Variants in HIPK2 observed in about 807,000 individuals in gnomAD.
HIPK2 encodes homeodomain-interacting protein kinase 2.
Under a neutral mutation model 113.7 loss-of-function variants are expected in HIPK2, and 27 were observed. The ratio of observed to expected loss-of-function variants is 0.24; its 90% CI spans 0.17 to 0.33. The LOEUF (loss-of-function observed/expected upper bound fraction) is 0.33, where lower values mean the gene tolerates loss of function less well. Ranked by LOEUF, HIPK2 falls within the 10% of genes least tolerant of loss-of-function variation. The pLI is 1.00. For missense variants in HIPK2, 1,257 were observed against 1,588.0 expected (o/e 0.79, Z 3.54); for synonymous variants, 631 against 642.2 (o/e 0.98, Z 0.26).
chr7:139,626,822 C>T, intron 5 of HIPK2, 37 bp from the exon 6 acceptor site: 1 of 1,609,800 alleles, frequency 6.2e-7, no homozygotes, highest in Non-Finnish European at 8.5e-7. Context: ...AAGGAAGACC[C>T]CAGCGTGCCT....
At chr7:139,758,915 C>T (rs1796404594) in intron 1 of HIPK2, among the ~76,000 whole-genome samples, 1 of 152,088 alleles carries the variant, frequency 6.6e-6, no homozygotes, top group South Asian at 2.1e-4. Flanking sequence ...GGCAAAGCCT[C>T]TCCAACTTTG....
chr7:139,697,823 CCCT>C (rs1462723320), intron 2 of HIPK2, among the ~76,000 whole-genome samples: 1 of 151,850 alleles, frequency 6.6e-6, no homozygotes, highest in African/African-American at 2.4e-5. Context: ...TCCTATTATC[CCCT>C]CCTCCCAGCC....
At chr7:139,643,931 A>G (rs950710320) in intron 2 of HIPK2, among the ~76,000 whole-genome samples, 16 of 152,146 alleles carry the variant, frequency 1.1e-4, no homozygotes, top group Admixed American at 6.5e-5. Context: ...CTCTGGTGCT[A>G]TACCATGAAG....
chr7:139,623,080 C>T (rs373509249), intron 6 of HIPK2, among the ~76,000 whole-genome samples: 1 of 152,310 alleles, frequency 6.6e-6, no homozygotes. Context: ...AGCTGTTTCT[C>T]AGTCATCCCA....
At chr7:139,732,393 C>G (rs2117036333) in intron 1 of HIPK2, among the ~76,000 whole-genome samples, 1 of 152,312 alleles carries the variant, frequency 6.6e-6, no homozygotes, top group Non-Finnish European at 1.5e-5. Context: ...GCCACTTACA[C>G]CCAGTGCTGG....
chr7:139,722,558 G>C (rs927641652), intron 1 of HIPK2, among the ~76,000 whole-genome samples: 1 of 152,120 alleles, frequency 6.6e-6, no homozygotes, highest in Non-Finnish European at 1.5e-5. Context: ...TGCTAGACTT[G>C]ACTTCATCTG....
At chr7:139,711,135 CA>C (rs1021797331) in intron 2 of HIPK2, among the ~76,000 whole-genome samples, 2,541 of 145,212 alleles carry the variant, frequency 0.017, 57 homozygotes, top group African/African-American at 0.058. Context: ...AAGAATCAGA[CA>C]AAAAAAAAAG....
intron 2 of HIPK2, among the ~76,000 whole-genome samples, chr7:139,686,416 G>A (rs1034376767): frequency 2.0e-5 from 3 of 152,188 alleles, no homozygotes; most frequent in African/African-American, 7.2e-5. Context: ...TGGTTTGGCT[G>A]TGTCCCCACC....
intron 12 of HIPK2, among the ~76,000 whole-genome samples, chr7:139,588,324 G>A (rs375611523): frequency 4.7e-5 from 7 of 150,162 alleles, no homozygotes; most frequent in South Asian, 4.2e-4. Flanking sequence ...CCCCCACACC[G>A]CGCTGGCCCC....
At chr7:139,717,147 G>T in intron 1 of HIPK2, 132 bp from the exon 2 acceptor site, 1 of 1,201,808 alleles carries the variant, frequency 8.3e-7, no homozygotes, top group East Asian at 2.6e-5. Flanking sequence ...AAACAAGGTT[G>T]AAAAAGTGAA....
At chr7:139,609,844 A>G (rs529435421) in intron 9 of HIPK2, among the ~76,000 whole-genome samples, 1 of 152,196 alleles carries the variant, frequency 6.6e-6, no homozygotes, top group South Asian at 2.1e-4. Context: ...TATCTTAGAA[A>G]TCTCTGCATG....
intron 9 of HIPK2, among the ~76,000 whole-genome samples, chr7:139,612,437 T>A (rs1255204682): frequency 6.6e-6 from 1 of 152,194 alleles, no homozygotes; most frequent in Non-Finnish European, 1.5e-5. Context: ...ACTGGGTGTG[T>A]GTCCTGGTTC....
intron 1 of HIPK2, among the ~76,000 whole-genome samples, chr7:139,750,794 AG>A: frequency 6.6e-6 from 1 of 152,204 alleles, no homozygotes; most frequent in East Asian, 1.9e-4. Context: ...AGTGCTTCCT[AG>A]ATAAAAGTCC....
chr7:139,651,237 G>T (rs150067939), intron 2 of HIPK2, among the ~76,000 whole-genome samples: 1 of 152,290 alleles, frequency 6.6e-6, no homozygotes, highest in African/African-American at 2.4e-5. Context: ...GGAAAACACA[G>T]CCTGAGGAGG....
intron 2 of HIPK2, among the ~76,000 whole-genome samples, chr7:139,663,556 G>A (rs986569855): frequency 1.3e-5 from 2 of 152,194 alleles, no homozygotes; most frequent in African/African-American, 2.4e-5. Flanking sequence ...CAAACCATAT[G>A]TAACCATAAA....
intron 2 of HIPK2, among the ~76,000 whole-genome samples, chr7:139,682,493 C>T (rs748603729): frequency 1.3e-5 from 2 of 152,196 alleles, no homozygotes; most frequent in Non-Finnish European, 2.9e-5. Context: ...CCACCTCTTA[C>T]GGGAAGCTTT....
At position 139,653,414 on chromosome 7, in the gene HIPK2, G is replaced by A. The variant is rs544426881; in HGVS notation, c.1104-21689C>T. Among the ~76,000 whole-genome samples the A allele has an allele frequency of 2.9e-4, 44 of 151,412 alleles. 1 individual carries two copies. The highest frequency in any genetic ancestry group is 1.0e-3 in the African/African-American group (43 of 41,214). On this transcript the variant is annotated intron_variant, in intron 2 of 14. Transcript: ENST00000406875. ...AGGACTATCAACTGTTACAGAATGGGTGGTGGGATTTAGAGATCTTATGGG... is the reference window on the plus strand; with the variant it reads ...AGGACTATCAACTGTTACAGAATGGATGGTGGGATTTAGAGATCTTATGGG...
intron 2 of HIPK2, among the ~76,000 whole-genome samples, chr7:139,693,896 A>G (rs929080695): frequency 1.3e-5 from 2 of 152,206 alleles, no homozygotes; most frequent in Non-Finnish European, 2.9e-5. Flanking sequence ...GGCAGCAGGC[A>G]CTCAATAAAT....
At chr7:139,637,791 A>G (rs1348305194) in intron 2 of HIPK2, among the ~76,000 whole-genome samples, 1 of 152,196 alleles carries the variant, frequency 6.6e-6, no homozygotes, top group African/African-American at 2.4e-5. Flanking sequence ...CAGATAAAAG[A>G]GAGTAGAAGG....
Sources: gnomAD v4.1 joint callset for allele counts (sites outside exome capture counted in the v4.1 genomes callset) on GRCh38, gnomAD v4.1.1 for gene constraint, MANE v1.5 for transcripts, NCBI Gene and HGNC (gene_info 2026-07-23, HGNC 2026-07-21) for gene names.